Variants in SORCS3 observed in about 807,000 individuals in gnomAD.
SORCS3 encodes the protein VPS10 domain-containing receptor SorCS3.
SORCS3 carries 57 observed loss-of-function variants against 146.3 expected under a neutral mutation model. The observed-to-expected ratio is 0.39, with a 90% CI of 0.31 to 0.49. SORCS3 has a LOEUF of 0.49. Among genes scored for constraint, SORCS3 ranks in the 20% least tolerant of loss-of-function variants. The pLI is 0.92. For missense variants in SORCS3, 1,341 were observed against 1,575.5 expected, an observed-to-expected ratio of 0.85 and a Z score of 2.52; for synonymous variants, 653 against 618.5, an observed-to-expected ratio of 1.06 and a Z score of -0.83.
intron 1 of SORCS3, among the ~76,000 whole-genome samples, chr10:104,655,116 G>A (rs2015611157): frequency 6.6e-6 from 1 of 151,996 alleles, no homozygotes; most frequent in Admixed American, 6.6e-5. Flanking sequence ...AGCCAGGTGT[G>A]GTGGCACACA....
Position 105,178,114 on chromosome 10 carries a change from G to C in SORCS3, c.1950G>C (p.Ser650=). Residue 650 remains serine, a synonymous_variant, in exon 14 of 27, where the codon TCG becomes TCC. Coordinates refer to ENST00000369701, the MANE Select transcript of SORCS3 (RefSeq NM_014978.3). ...CTTGGGACAAGTATGGTTTCACTTCGGTTCCTCTCTTTGTTGACGGGGCTC... is the reference window on the plus strand; with the variant it reads ...CTTGGGACAAGTATGGTTTCACTTCCGTTCCTCTCTTTGTTGACGGGGCTC... ...GHSWDKYGFT[S]VPLFVDGALV... 10 of 1,613,446 alleles carry C rather than the reference G, an allele frequency of 6.2e-6. No individual in the cohort carries two copies. The highest frequency in any genetic ancestry group is 7.6e-6 in the Non-Finnish European group (9 of 1,179,688).
chr10:105,184,747 T>C (rs1252949231), intron 14 of SORCS3, among the ~76,000 whole-genome samples: 1 of 152,204 alleles, frequency 6.6e-6, no homozygotes, highest in Non-Finnish European at 1.5e-5. Flanking sequence ...ATCACCACAA[T>C]TGCAGTTACT....
chr10:104,756,612 G>A (rs543586714), intron 1 of SORCS3, among the ~76,000 whole-genome samples: 1 of 152,282 alleles, frequency 6.6e-6, no homozygotes, highest in East Asian at 1.9e-4. Context: ...TTGAATGGGA[G>A]TGGAGAAAGC....
chr10:105,232,557 A>G (rs1231322539), intron 20 of SORCS3, among the ~76,000 whole-genome samples: 1 of 150,244 alleles, frequency 6.7e-6, no homozygotes, highest in Non-Finnish European at 1.5e-5. Flanking sequence ...TCTAGTTTTT[A>G]TTATTTCTTT....
intron 1 of SORCS3, among the ~76,000 whole-genome samples, chr10:104,680,551 C>T (rs1272211748): frequency 1.3e-5 from 2 of 152,196 alleles, no homozygotes; most frequent in South Asian, 2.1e-4. Flanking sequence ...ACTGCATAAC[C>T]GTGGGTGAGT....
chr10:104,918,212 C>T (rs996028142), intron 3 of SORCS3, among the ~76,000 whole-genome samples: 30 of 152,020 alleles, frequency 2.0e-4, no homozygotes, highest in Middle Eastern at 3.2e-3. Flanking sequence ...TTGAGGACTT[C>T]GTGGACACCT....
intron 2 of SORCS3, among the ~76,000 whole-genome samples, chr10:104,904,544 A>G (rs1423136186): frequency 6.6e-6 from 1 of 152,180 alleles, no homozygotes; most frequent in Non-Finnish European, 1.5e-5. Context: ...GCCAGAGAAG[A>G]TAGTTAAAGT....
chr10:104,861,174 G>T lies in SORCS3; in HGVS notation c.695+18315G>T, dbSNP rs192156885. On this transcript the variant is annotated intron_variant, in intron 2 of 26. Transcript: ENST00000369701. ...TAACTACTGAGGGACTTGTCAAACA[G>T]AAGCTTACCTGTTCTGTACCTGTCG... Among the ~76,000 whole-genome samples, 446 of 152,272 alleles carry T rather than the reference G, an allele frequency of 2.9e-3. 2 individuals carry two copies. The highest frequency in any genetic ancestry group is 0.018 in the South Asian group (88 of 4,828).
chr10:104,996,753 T>C (rs1383802176), intron 4 of SORCS3, among the ~76,000 whole-genome samples: 1 of 152,154 alleles, frequency 6.6e-6, no homozygotes, highest in Admixed American at 6.5e-5. Flanking sequence ...AATTACTTAA[T>C]GTGTGAGAAA....
chr10:105,234,303 CT>C (rs2056780809), intron 20 of SORCS3, among the ~76,000 whole-genome samples: 1 of 151,692 alleles, frequency 6.6e-6, no homozygotes, highest in Non-Finnish European at 1.5e-5. Flanking sequence ...TCTCTCATGA[CT>C]TTTTTTCTTA....
chr10:105,120,101 T>G (rs1199541406), intron 7 of SORCS3, among the ~76,000 whole-genome samples: 5 of 152,146 alleles, frequency 3.3e-5, no homozygotes, highest in Admixed American at 3.3e-4. Flanking sequence ...GGTAATTGAA[T>G]CATGGGGGCG....
rs531595894 is a variant in SORCS3 at position 104,937,221 on chromosome 10, G to A, written c.795+21289G>A. Among the ~76,000 whole-genome samples the A allele has an allele frequency of 4.0e-4, 61 of 152,298 alleles. 1 individual carries two copies. Among genetic ancestry groups the A allele is most frequent in the African/African-American group, 1.4e-3 (60 of 41,572 alleles). ...GCTCAGGCAGTAATGTTGGCCTGCCGTCCACTCACCTCCTGCTGTGCAGCC... is the reference window on the plus strand; with the variant it reads ...GCTCAGGCAGTAATGTTGGCCTGCCATCCACTCACCTCCTGCTGTGCAGCC... On this transcript the variant is annotated intron_variant, in intron 3 of 26. Coordinates refer to ENST00000369701, the MANE Select transcript of SORCS3 (RefSeq NM_014978.3).
At position 105,264,877 on chromosome 10, in the gene SORCS3, T is replaced by C. The variant is rs536282329; in HGVS notation, c.*1503T>C. 6.5e-6 allele frequency: 1 copy of C among 152,766 alleles called. No individual in the cohort carries two copies. The highest frequency in any genetic ancestry group is 1.9e-4 in the East Asian group (1 of 5,176). 9.5% of individuals were successfully genotyped at this position (152,766 alleles called of 1,614,324 possible). A position where few individuals can be genotyped will look rare whatever the true frequency, so the allele number is the denominator to read the frequency against. On this transcript the variant is annotated 3_prime_UTR_variant, in exon 27 of 27. Coordinates refer to ENST00000369701, the MANE Select transcript of SORCS3 (RefSeq NM_014978.3). ...AGCACACTTATTTTTGAAAATGATA[T>C]AATGTATATATATGGGAGGAAAGGC...
chr10:105,154,915 A>G (rs1405724085), intron 9 of SORCS3, among the ~76,000 whole-genome samples: 2 of 152,228 alleles, frequency 1.3e-5, no homozygotes, highest in Non-Finnish European at 2.9e-5. Flanking sequence ...TATACAAGAC[A>G]TGAAGCCAAA....
At position 105,247,163 on chromosome 10, in the gene SORCS3, A is replaced by C. The variant is rs2056871257; in HGVS notation, c.2993-56A>C. The stretch of plus-strand genomic sequence containing the variant: ...GTGATGGTGGAGCTCCACACCTGTC[A>C]CACCCTCTCTCTTCTCACTCTCCCA... On this transcript the variant is annotated intron_variant, in intron 21 of 26. Coordinates refer to ENST00000369701, the MANE Select transcript of SORCS3 (RefSeq NM_014978.3). The C allele has an allele frequency of 1.0e-5, 10 of 969,848 alleles. No individual in the cohort carries two copies. The South Asian group carries it at 1.5e-4, about 15-fold the overall frequency. The allele number at this position is 969,848 out of a possible 1,614,324, so 60.1% of individuals were successfully genotyped here.
At chr10:105,131,903 C>T (rs1198109323) in intron 7 of SORCS3, among the ~76,000 whole-genome samples, 1 of 152,094 alleles carries the variant, frequency 6.6e-6, no homozygotes, top group East Asian at 1.9e-4. Flanking sequence ...CCCCATGATC[C>T]AATCACCTCC....
intron 1 of SORCS3, among the ~76,000 whole-genome samples, chr10:104,833,114 T>C (rs891368027): frequency 6.6e-6 from 1 of 152,228 alleles, no homozygotes; most frequent in African/African-American, 2.4e-5. Flanking sequence ...TGCCCATGAC[T>C]GTATTTCATT....
chr10:104,648,464 A>T (rs1451365951), intron 1 of SORCS3, among the ~76,000 whole-genome samples: 1 of 152,116 alleles, frequency 6.6e-6, no homozygotes, highest in Non-Finnish European at 1.5e-5. Context: ...AGGCCCCAGG[A>T]TGGGTATCGT....
intron 4 of SORCS3, among the ~76,000 whole-genome samples, chr10:105,001,724 C>A (rs551750359): frequency 6.6e-6 from 1 of 152,128 alleles, no homozygotes; most frequent in Non-Finnish European, 1.5e-5. Flanking sequence ...GAAGCAGTTT[C>A]GCTAACTCTA....
Sources: gnomAD v4.1 joint callset for allele counts (sites outside exome capture counted in the v4.1 genomes callset) on GRCh38, gnomAD v4.1.1 for gene constraint, MANE v1.5 for transcripts, NCBI Gene and HGNC (gene_info 2026-07-23, HGNC 2026-07-21) for gene names.